Variants in CREB5 observed in about 807,000 individuals in gnomAD.
CREB5 encodes the protein cAMP responsive element binding protein 5, also known as cyclic AMP-responsive element-binding protein 5.
Under a neutral mutation model 57.1 loss-of-function variants are expected in CREB5, and 19 were observed. The observed-to-expected ratio is 0.33, with a 90% confidence interval of 0.23 to 0.49. The LOEUF (loss-of-function observed/expected upper bound fraction) is 0.49. CREB5 is among the 20% of genes least tolerant of loss of function. CREB5 has a pLI of 0.99. For missense variants in CREB5, 579 were observed against 671.6 expected (o/e 0.86, Z 1.52); for synonymous variants, 238 against 238.3 (o/e 1.00, Z 0.01).
intron 4 of CREB5, among the ~76,000 whole-genome samples, chr7:28,521,948 TATAAC>T (rs796748565): frequency 5.3e-5 from 8 of 152,214 alleles, no homozygotes; most frequent in Admixed American, 5.2e-4. Flanking sequence ...AGTGGGGAAA[TATAAC>T]ATCACATTAT....
At chr7:28,808,619 A>G (rs1211705914) in intron 8 of CREB5, among the ~76,000 whole-genome samples, 1 of 146,590 alleles carries the variant, frequency 6.8e-6, no homozygotes, top group Non-Finnish European at 1.5e-5. Context: ...GCTCATGGCA[A>G]CCTCAACCTC....
chr7:28,415,956 G>T (rs942340398), intron 1 of CREB5, among the ~76,000 whole-genome samples: 1 of 152,150 alleles, frequency 6.6e-6, no homozygotes, highest in Non-Finnish European at 1.5e-5. Flanking sequence ...ATTGAGTCTG[G>T]AAGTATGTTC....
chr7:28,579,449 T>A (rs902997676), intron 5 of CREB5, among the ~76,000 whole-genome samples: 2 of 152,036 alleles, frequency 1.3e-5, no homozygotes, highest in African/African-American at 4.8e-5. Flanking sequence ...GTTTTATAGT[T>A]TTCCCCCCTT....
intron 5 of CREB5, among the ~76,000 whole-genome samples, chr7:28,668,871 G>A (rs565802338): frequency 2.0e-5 from 3 of 152,226 alleles, no homozygotes; most frequent in South Asian, 4.1e-4. Flanking sequence ...TCCACGGCCC[G>A]CTGCTACCCT....
At chr7:28,606,236 T>A (rs900648343) in intron 5 of CREB5, among the ~76,000 whole-genome samples, 1 of 152,168 alleles carries the variant, frequency 6.6e-6, no homozygotes, top group African/African-American at 2.4e-5. Flanking sequence ...CAAGAAAGAT[T>A]TTTCCTACTT....
At chr7:28,376,961 A>G (rs560490786) in intron 1 of CREB5, among the ~76,000 whole-genome samples, 1 of 152,234 alleles carries the variant, frequency 6.6e-6, no homozygotes, top group Admixed American at 6.5e-5. Flanking sequence ...TCCCAATCAT[A>G]CAATTATAGG....
At chr7:28,683,511 G>A (rs538937543) in intron 5 of CREB5, among the ~76,000 whole-genome samples, 3 of 152,250 alleles carry the variant, frequency 2.0e-5, no homozygotes, top group East Asian at 3.9e-4. Context: ...GCTTAACGGC[G>A]TCATCATCAG....
intron 1 of CREB5, among the ~76,000 whole-genome samples, chr7:28,306,555 G>GTTTTTTTTTTTT (rs869277871): frequency 5.5e-4 from 32 of 58,080 alleles, no homozygotes; most frequent in Middle Eastern, 0.013. Context: ...TGTTTTTTTT[G>GTTTTTTTTTTTT]TTTTTTTTTT....
chr7:28,435,732 A>G, intron 1 of CREB5: 1 of 889,740 alleles, frequency 1.1e-6, no homozygotes, highest in Non-Finnish European at 1.3e-6. Context: ...AGATGAACCA[A>G]ACACTCAGAT....
chr7:28,565,480 C>G (rs912074757), intron 4 of CREB5, among the ~76,000 whole-genome samples: 1 of 152,148 alleles, frequency 6.6e-6, no homozygotes, highest in Non-Finnish European at 1.5e-5. Flanking sequence ...TACTCTTTTT[C>G]TCATCTTAAA....
chr7:28,555,424 G>T (rs559252482), intron 4 of CREB5, among the ~76,000 whole-genome samples: 9 of 152,284 alleles, frequency 5.9e-5, no homozygotes, highest in Admixed American at 6.5e-5. Flanking sequence ...TTTTATCAAT[G>T]ATTATAAACC....
At chr7:28,302,463 A>G (rs1353195935) in intron 1 of CREB5, among the ~76,000 whole-genome samples, 6 of 152,242 alleles carry the variant, frequency 3.9e-5, no homozygotes, top group East Asian at 3.8e-4. Context: ...TACATGGAAC[A>G]TAATTATCTA....
intron 1 of CREB5, among the ~76,000 whole-genome samples, chr7:28,483,338 G>T (rs1033741644): frequency 4.6e-5 from 7 of 152,200 alleles, no homozygotes; most frequent in African/African-American, 1.7e-4. Flanking sequence ...CTTGCTCATT[G>T]CGAGGCCAGA....
At chr7:28,365,411 ACCTTTCCTCCCGGAATTATCC>A (rs1265212402) in intron 1 of CREB5, among the ~76,000 whole-genome samples, 1 of 151,906 alleles carries the variant, frequency 6.6e-6, no homozygotes, top group African/African-American at 2.4e-5. Context: ...CGGAATTATC[ACCTTTCCTCCCGGAATTATCC>A]CCTTTCCTCA....
Position 28,468,262 on chromosome 7 carries a change from G to A in CREB5, c.4-19913G>A, listed in dbSNP as rs117639591. ...CCTGTCTGCCAATAGTGCCAAGCAC[G>A]TTAAAGATAATGCCCAGTCTCTCAC... On this transcript the variant is annotated intron_variant, in intron 1 of 10. Coordinates refer to ENST00000357727, the MANE Select transcript of CREB5 (RefSeq NM_182898.4). Among the ~76,000 whole-genome samples the A allele has an allele frequency of 1.7e-3, 261 of 152,342 alleles. 1 individual carries two copies. The highest frequency in any genetic ancestry group is 2.9e-3 in the Non-Finnish European group (199 of 68,028).
chr7:28,796,610 C>G (rs1450903659), intron 7 of CREB5, among the ~76,000 whole-genome samples: 1 of 152,174 alleles, frequency 6.6e-6, no homozygotes, highest in African/African-American at 2.4e-5. Context: ...GGCTTTAAAA[C>G]CAAGACTTCT....
intron 1 of CREB5, among the ~76,000 whole-genome samples, chr7:28,455,701 G>A (rs1291313272): frequency 6.6e-6 from 1 of 152,090 alleles, no homozygotes; most frequent in East Asian, 1.9e-4. Flanking sequence ...TAAAGTAGTG[G>A]GGGGTGGGTG....
intron 5 of CREB5, among the ~76,000 whole-genome samples, chr7:28,690,590 C>G (rs528243251): frequency 6.6e-6 from 1 of 152,290 alleles, no homozygotes; most frequent in African/African-American, 2.4e-5. Flanking sequence ...TGCCACAGTT[C>G]CTACCTTCTC....
At chr7:28,517,675 C>T (rs982607523) in intron 4 of CREB5, among the ~76,000 whole-genome samples, 5 of 152,138 alleles carry the variant, frequency 3.3e-5, no homozygotes, top group Admixed American at 6.5e-5. Flanking sequence ...AGGCTGTTTT[C>T]TTTGGGTGGC....
Sources: allele counts gnomAD v4.1 joint callset (sites outside exome capture counted in the v4.1 genomes callset), GRCh38; gene constraint gnomAD v4.1.1; transcripts MANE v1.5; gene names NCBI Gene and HGNC (gene_info 2026-07-23, HGNC 2026-07-21).